Variants in HSD17B12 observed in about 807,000 individuals in gnomAD.
HSD17B12 encodes hydroxysteroid 17-beta dehydrogenase 12, also known as very-long-chain 3-oxoacyl-CoA reductase.
In HSD17B12, 32 loss-of-function variants were observed where a neutral mutation model predicts 39.3. That is an observed-to-expected ratio of 0.81 (90% CI 0.61 to 1.09). The LOEUF (loss-of-function observed/expected upper bound fraction) is 1.09, where lower values mean the gene tolerates loss of function less well. Among genes scored for constraint, HSD17B12 ranks in the 50% least tolerant of loss-of-function variants. HSD17B12 has a pLI of 0.00. For missense variants in HSD17B12, 342 were observed against 382.9 expected, an observed-to-expected ratio of 0.89 and a Z score of 0.89; for synonymous variants, 150 against 146.7, an observed-to-expected ratio of 1.02 and a Z score of -0.16.
intron 3 of HSD17B12, among the ~76,000 whole-genome samples, chr11:43,780,080 C>T (rs1470365542): frequency 2.0e-5 from 3 of 152,144 alleles, no homozygotes; most frequent in Non-Finnish European, 4.4e-5. Context: ...CCCTCTCATC[C>T]CCCAGTGCCC....
intron 10 of HSD17B12, 85 bp from the exon 11 acceptor site, chr11:43,855,059 C>A: frequency 1.8e-6 from 2 of 1,133,520 alleles, no homozygotes; most frequent in Non-Finnish European, 1.3e-6. Context: ...AAAAACAACA[C>A]TATAATAAAA....
the HSD17B12 span, among the ~76,000 whole-genome samples, chr11:43,570,882 T>A: frequency 1.3e-5 from 2 of 152,206 alleles, no homozygotes; most frequent in South Asian, 4.1e-4. Flanking sequence ...TGAACTGAAG[T>A]CTCTCTTCTC....
At chr11:43,715,529 GTATTT>G (rs1409917312) in intron 1 of HSD17B12, among the ~76,000 whole-genome samples, 1 of 152,186 alleles carries the variant, frequency 6.6e-6, no homozygotes, top group African/African-American at 2.4e-5. Flanking sequence ...TGGTTTGCCA[GTATTT>G]TATTGAGGAT....
chr11:43,698,015 C>T (rs1357634467), intron 1 of HSD17B12, among the ~76,000 whole-genome samples: 1 of 152,080 alleles, frequency 6.6e-6, no homozygotes, highest in African/African-American at 2.4e-5. Flanking sequence ...GGTTGGGAGA[C>T]CAGCAGGAGA....
At chr11:43,675,994 C>T (rs140353543), upstream of HSD17B12, among the ~76,000 whole-genome samples, 6 of 152,116 alleles carry the variant, frequency 3.9e-5, no homozygotes, top group African/African-American at 1.2e-4. Context: ...CACCTGTAAC[C>T]CCAGCTAATT....
chr11:43,581,518 G>A, the HSD17B12 span: 2 of 470,724 alleles, frequency 4.2e-6, no homozygotes, highest in Non-Finnish European at 9.0e-6. The surrounding 1 kb of genome is among the most constrained non-coding windows in gnomAD (Gnocchi z 4.9). Flanking sequence ...TCCAGCGATC[G>A]CCGAAGCCCG....
the HSD17B12 span, chr11:43,581,368 G>A: frequency 4.1e-6 from 2 of 490,692 alleles, no homozygotes; most frequent in Non-Finnish European, 8.5e-6. The surrounding 1 kb of genome is among the most constrained non-coding windows in gnomAD (Gnocchi z 4.9). Context: ...TGAAGGCGGC[G>A]GCGAACCGAA....
Position 43,798,366 on chromosome 11 carries a change from A to C in HSD17B12, c.330A>C (p.Ala110=). The change falls in exon 4 of 11, where the codon GCA becomes GCC. Residue 110 remains alanine, a synonymous_variant. Coordinates refer to ENST00000278353, the MANE Select transcript of HSD17B12 (RefSeq NM_016142.3). ...CAAGAACCATTGCTGTTGACTTTGC[A>C]TCAGAAGATATTTATGATAAAATTA... ...VETRTIAVDF[A]SEDIYDKIKT... 6.2e-7 allele frequency: 1 copy of C among 1,612,722 alleles called. No homozygotes were observed. The highest frequency in any genetic ancestry group is 8.5e-7 in the Non-Finnish European group (1 of 1,179,148).
intron 1 of HSD17B12, among the ~76,000 whole-genome samples, chr11:43,718,363 G>A (rs1294813514): frequency 6.6e-6 from 1 of 152,106 alleles, no homozygotes; most frequent in Admixed American, 6.5e-5. Context: ...GCATCAACCT[G>A]GAGTCCAGTA....
intron 1 of HSD17B12, among the ~76,000 whole-genome samples, chr11:43,737,102 CG>C (rs1282905931): frequency 1.3e-5 from 2 of 151,742 alleles, no homozygotes; most frequent in South Asian, 2.1e-4. Context: ...TTCAGGTGTT[CG>C]GGGGGAAAAA....
intron 1 of HSD17B12, among the ~76,000 whole-genome samples, chr11:43,700,058 A>G (rs897421651): frequency 1.3e-5 from 2 of 152,068 alleles, no homozygotes; most frequent in Admixed American, 1.3e-4. Context: ...AGGGGCTGGG[A>G]AGTTTGGGTA....
intron 9 of HSD17B12, among the ~76,000 whole-genome samples, chr11:43,843,723 C>T (rs1306852599): frequency 6.6e-6 from 1 of 152,138 alleles, no homozygotes; most frequent in Non-Finnish European, 1.5e-5. Context: ...AGGCTTGGGC[C>T]ACAGTTCCCC....
At chr11:43,652,576 G>A in the HSD17B12 span, among the ~76,000 whole-genome samples, 1 of 152,072 alleles carries the variant, frequency 6.6e-6, no homozygotes, top group Admixed American at 6.5e-5. Context: ...GACCAACCAT[G>A]TTCAAGATAG....
the HSD17B12 span, among the ~76,000 whole-genome samples, chr11:43,671,806 T>C: frequency 6.6e-6 from 1 of 152,332 alleles, no homozygotes; most frequent in African/African-American, 2.4e-5. Context: ...AAGAATACAG[T>C]ACAAATTGCC....
intron 4 of HSD17B12, among the ~76,000 whole-genome samples, chr11:43,800,073 C>G (rs898264437): frequency 6.6e-6 from 1 of 152,172 alleles, no homozygotes; most frequent in Non-Finnish European, 1.5e-5. Flanking sequence ...TAGCCTAGAT[C>G]TGAAACACAT....
chr11:43,670,331 C>T, the HSD17B12 span: 50 of 152,206 alleles, frequency 3.3e-4, no homozygotes, highest in African/African-American at 1.1e-3. Flanking sequence ...GCATATCATG[C>T]TTTTTAAATA....
chr11:43,824,449 C>T (rs1951212787), intron 6 of HSD17B12, among the ~76,000 whole-genome samples: 1 of 152,196 alleles, frequency 6.6e-6, no homozygotes, highest in Non-Finnish European at 1.5e-5. Flanking sequence ...TCTCAGAGTT[C>T]TGGAGGCTGG....
the HSD17B12 span, among the ~76,000 whole-genome samples, chr11:43,670,036 G>A: frequency 6.6e-6 from 1 of 152,220 alleles, no homozygotes; most frequent in Non-Finnish European, 1.5e-5. Flanking sequence ...TGAAAGAGAA[G>A]TTGAACTGCA....
intron 4 of HSD17B12, among the ~76,000 whole-genome samples, chr11:43,800,299 T>C (rs1395235521): frequency 6.6e-6 from 1 of 152,206 alleles, no homozygotes; most frequent in African/African-American, 2.4e-5. Context: ...GAATCCCTAA[T>C]GAAAAAAGAC....
Sources: gnomAD v4.1 joint callset for allele counts (sites outside exome capture counted in the v4.1 genomes callset) on GRCh38, gnomAD v4.1.1 for gene constraint, Gnocchi (gnomAD v3.1) non-coding constraint, MANE v1.5 for transcripts, NCBI Gene and HGNC (gene_info 2026-07-23, HGNC 2026-07-21) for gene names.